The following BMERB1 variants were observed in gnomAD, a reference collection of about 807,000 sequenced individuals.
The protein encoded by BMERB1 is bMERB domain-containing protein 1.
A neutral mutation model predicts 23.6 loss-of-function variants in BMERB1; 12 were observed. That is an observed-to-expected ratio of 0.51 (90% CI 0.33 to 0.82). The LOEUF (loss-of-function observed/expected upper bound fraction) is 0.82, where lower values mean the gene tolerates loss of function less well. Ranked by LOEUF, BMERB1 falls within the 40% of genes least tolerant of loss-of-function variation. The pLI, the probability that BMERB1 is intolerant of heterozygous loss-of-function variation, is 0.03. For synonymous variants in BMERB1, 122 were observed against 96.6 expected (o/e 1.26, Z -1.54); for missense variants, 247 against 255.4 (o/e 0.97, Z 0.22).
At chr16:15,437,450 CACA>C (rs1567445089) in intron 1 of BMERB1, among the ~76,000 whole-genome samples, 1 of 152,146 alleles carries the variant, frequency 6.6e-6, no homozygotes, top group Non-Finnish European at 1.5e-5. Flanking sequence ...TCGGTTACTG[CACA>C]ACATTTATAG....
intron 3 of BMERB1, among the ~76,000 whole-genome samples, 159 bp from the exon 4 acceptor site, chr16:15,581,058 T>TACAC (rs2031002143): frequency 6.6e-6 from 1 of 151,982 alleles, no homozygotes; most frequent in Non-Finnish European, 1.5e-5. Flanking sequence ...GAATTCCAGG[T>TACAC]GTGTGCCACC....
chr16:15,483,778 AAAAC>A (rs542478992), intron 1 of BMERB1, among the ~76,000 whole-genome samples: 91 of 152,274 alleles, frequency 6.0e-4, no homozygotes, highest in African/African-American at 2.0e-3. Flanking sequence ...ACTTACCTAT[AAAAC>A]AAGGCTAAAG....
At chr16:15,505,477 A>G (rs1337017596) in intron 1 of BMERB1, among the ~76,000 whole-genome samples, 1 of 152,248 alleles carries the variant, frequency 6.6e-6, no homozygotes, top group African/African-American at 2.4e-5. Context: ...CAAGAATTTA[A>G]CAGTATTGCT....
chr16:15,447,046 A>G (rs1442346821), intron 1 of BMERB1, among the ~76,000 whole-genome samples: 1 of 152,162 alleles, frequency 6.6e-6, no homozygotes, highest in Non-Finnish European at 1.5e-5. Flanking sequence ...CCACTTCATA[A>G]TAGTTGCGTG....
chr16:15,517,918 TGTGA>T (rs1225107131), intron 2 of BMERB1, among the ~76,000 whole-genome samples: 2 of 148,462 alleles, frequency 1.3e-5, no homozygotes, highest in Non-Finnish European at 3.0e-5. Flanking sequence ...TGTATGTGTG[TGTGA>T]GGATGTGTGT....
intron 2 of BMERB1, among the ~76,000 whole-genome samples, chr16:15,533,395 CTT>C (rs11379898): frequency 7.1e-5 from 10 of 141,246 alleles, no homozygotes; most frequent in South Asian, 2.3e-4. Flanking sequence ...TCGTTTCTTT[CTT>C]TTTTTTTTTT....
chr16:15,557,212 C>T (rs1003241806), intron 2 of BMERB1, among the ~76,000 whole-genome samples: 2 of 152,174 alleles, frequency 1.3e-5, no homozygotes, highest in South Asian at 4.1e-4. Flanking sequence ...CTGAATGACA[C>T]GGGTTGGCTT....
intron 1 of BMERB1, among the ~76,000 whole-genome samples, chr16:15,448,744 A>T (rs1176481128): frequency 1.3e-5 from 2 of 152,222 alleles, no homozygotes; most frequent in Admixed American, 6.5e-5. Flanking sequence ...GTGAGCTGAC[A>T]TCGCACTACT....
intron 1 of BMERB1, among the ~76,000 whole-genome samples, chr16:15,485,069 C>G (rs1418887110): frequency 6.6e-6 from 1 of 152,192 alleles, no homozygotes; most frequent in Non-Finnish European, 1.5e-5. Flanking sequence ...GCAATCCCAA[C>G]AGAGAGAGAT....
chr16:15,581,229 C>T lies in BMERB1; in HGVS notation c.317C>T (p.Thr106Ile). 6.2e-7 allele frequency: 1 copy of T among 1,611,860 alleles called. No individual in the cohort carries two copies. Among genetic ancestry groups the T allele is most frequent in the Non-Finnish European group, 8.5e-7 (1 of 1,179,096 alleles). ...NLVAIPEKEK[T>I]KLQKQREDEL... is the part of the protein sequence containing the mutation. The stretch of plus-strand genomic sequence containing the variant: ...GTCTTCTTTCCAGAAAAAGAAAAAA[C>T]CAAACTGCAGAAGCAGAGAGAGGAT... The change falls in exon 4 of 6, where the codon ACC becomes ATC. Residue 106 changes from threonine (T) to isoleucine (I), a missense_variant. Transcript: ENST00000300006.
At chr16:15,562,185 C>CT (rs2030439612) in intron 2 of BMERB1, among the ~76,000 whole-genome samples, 1 of 151,408 alleles carries the variant, frequency 6.6e-6, no homozygotes, top group African/African-American at 2.4e-5. Flanking sequence ...TGCCTGTAAT[C>CT]TCAGCTACTT....
At chr16:15,535,866 G>A (rs2052020019) in intron 2 of BMERB1, among the ~76,000 whole-genome samples, 1 of 152,072 alleles carries the variant, frequency 6.6e-6, no homozygotes, top group South Asian at 2.1e-4. Flanking sequence ...GGGGAAGCAG[G>A]CACCTTCTTC....
intron 2 of BMERB1, among the ~76,000 whole-genome samples, chr16:15,543,807 C>A (rs146502247): frequency 3.9e-5 from 6 of 152,254 alleles, no homozygotes; most frequent in African/African-American, 1.4e-4. Flanking sequence ...GACCACAGAG[C>A]AAGACCCTGT....
At chr16:15,448,869 AG>A (rs1162631545) in intron 1 of BMERB1, among the ~76,000 whole-genome samples, 1 of 152,162 alleles carries the variant, frequency 6.6e-6, no homozygotes, top group Non-Finnish European at 1.5e-5. Flanking sequence ...TTTGAGGGAA[AG>A]ATGTGAGATT....
At chr16:15,445,206 A>C (rs1240322096) in intron 1 of BMERB1, among the ~76,000 whole-genome samples, 2 of 152,042 alleles carry the variant, frequency 1.3e-5, no homozygotes, top group East Asian at 3.9e-4. Context: ...TCACCTCTTA[A>C]GCTTTGGTTT....
intron 2 of BMERB1, among the ~76,000 whole-genome samples, chr16:15,566,645 G>T (rs2030572555): frequency 6.6e-6 from 1 of 151,254 alleles, no homozygotes. Context: ...CAGCCTGGGT[G>T]ATACAGTGAG....
chr16:15,575,707 A>G (rs978615073), intron 3 of BMERB1, among the ~76,000 whole-genome samples: 1 of 151,964 alleles, frequency 6.6e-6, no homozygotes, highest in African/African-American at 2.4e-5. Flanking sequence ...CCAATACAGA[A>G]TTTTCTGAGG....
chr16:15,439,154 G>C (rs1427462962), intron 1 of BMERB1, among the ~76,000 whole-genome samples: 3 of 152,174 alleles, frequency 2.0e-5, no homozygotes, highest in Non-Finnish European at 4.4e-5. Flanking sequence ...TTAGATAAAA[G>C]ATATGTAATG....
chr16:15,575,616 G>A (rs2030838885), intron 3 of BMERB1, among the ~76,000 whole-genome samples: 1 of 152,120 alleles, frequency 6.6e-6, no homozygotes, highest in African/African-American at 2.4e-5. Context: ...AAAGAATGAA[G>A]CAACAAAAGC....
Sources: allele counts gnomAD v4.1 joint callset (sites outside exome capture counted in the v4.1 genomes callset), GRCh38; gene constraint gnomAD v4.1.1; transcripts MANE v1.5; gene names NCBI Gene and HGNC (gene_info 2026-07-23, HGNC 2026-07-21).